SEPTIN10: variants seen among roughly 807,000 people sequenced by gnomAD.
SEPTIN10 encodes septin-10.
A neutral mutation model predicts 54.8 loss-of-function variants in SEPTIN10; 66 were observed. That is an observed-to-expected ratio of 1.21 (90% CI 0.99 to 1.48). The LOEUF is 1.48. Among genes scored for constraint, SEPTIN10 ranks in the 40% most tolerant of loss-of-function variants. SEPTIN10 has a pLI of 0.00. For missense variants in SEPTIN10, 620 were observed against 545.6 expected (o/e 1.14, Z -1.36); for synonymous variants, 161 against 181.0 (o/e 0.89, Z 0.89).
chr2:109,582,808 T>C (rs924899611), intron 4 of SEPTIN10, among the ~76,000 whole-genome samples: 2 of 152,182 alleles, frequency 1.3e-5, no homozygotes, highest in African/African-American at 4.8e-5. Context: ...CAAGACAGCA[T>C]GGTTGTGGTA....
chr2:109,569,167 G>A (rs1481660141), intron 5 of SEPTIN10, among the ~76,000 whole-genome samples: 1 of 152,044 alleles, frequency 6.6e-6, no homozygotes, highest in Non-Finnish European at 1.5e-5. Flanking sequence ...GGTGGCTCAC[G>A]CCTGTAATCC....
chr2:109,590,171 T>C (rs1693690091), intron 2 of SEPTIN10, among the ~76,000 whole-genome samples: 1 of 150,042 alleles, frequency 6.7e-6, no homozygotes, highest in African/African-American at 2.5e-5. Flanking sequence ...CTATTGAGAG[T>C]GGTTACCAGT....
intron 2 of SEPTIN10, among the ~76,000 whole-genome samples, chr2:109,587,047 AAGAG>A (rs1290839476): frequency 1.3e-5 from 2 of 152,244 alleles, no homozygotes; most frequent in Non-Finnish European, 2.9e-5. Context: ...AGTCAACAGA[AAGAG>A]AGCCACAATG....
intron 2 of SEPTIN10, among the ~76,000 whole-genome samples, chr2:109,589,260 C>T (rs938720037): frequency 2.0e-5 from 3 of 152,006 alleles, no homozygotes; most frequent in African/African-American, 4.8e-5. Flanking sequence ...AGGTCAGGTG[C>T]GGTGGCTCAT....
At chr2:109,608,276 C>T (rs1698454717) in intron 1 of SEPTIN10, among the ~76,000 whole-genome samples, 1 of 152,202 alleles carries the variant, frequency 6.6e-6, no homozygotes, top group African/African-American at 2.4e-5. Flanking sequence ...ACAGTTTTCT[C>T]ATGGACACTC....
chr2:109,608,868 G>C (rs932292114), intron 1 of SEPTIN10, among the ~76,000 whole-genome samples: 2 of 152,150 alleles, frequency 1.3e-5, no homozygotes, highest in African/African-American at 4.8e-5. Context: ...CATTACAAAA[G>C]CTTTGCGCAT....
At chr2:109,586,298 T>C (rs1373753825) in intron 2 of SEPTIN10, among the ~76,000 whole-genome samples, 1 of 152,110 alleles carries the variant, frequency 6.6e-6, no homozygotes, top group Non-Finnish European at 1.5e-5. Context: ...TGGTAACAAT[T>C]ACAAGCAACC....
chr2:109,585,230 A>G lies in SEPTIN10; in HGVS notation c.309T>C (p.Val103=). 1 of 1,612,882 alleles carries G rather than the reference A, an allele frequency of 6.2e-7. No individual in the cohort carries two copies. Among genetic ancestry groups the G allele is most frequent in the Non-Finnish European group, 8.5e-7 (1 of 1,179,242 alleles). The part of the protein sequence containing the change: ...DYESSHFCPN[V]KLKAQTYELQ... ...GTTCATATGTCTGAGCTTTAAGTTT[A>G]ACATTTGGGCAAAAATGTGAGGATT... is the stretch of plus-strand genomic sequence containing the variant. The change falls in exon 4 of 11, where the codon GTT becomes GTC. Residue 103 remains valine (V), a synonymous_variant. Transcript: ENST00000397712.
chr2:109,580,647 TGTCTTC>T, intron 4 of SEPTIN10, among the ~76,000 whole-genome samples: 1 of 152,320 alleles, frequency 6.6e-6, no homozygotes, highest in African/African-American at 2.4e-5. Context: ...AAATAAAGCC[TGTCTTC>T]AGTCATGATA....
chr2:109,613,259 G>T, intron 1 of SEPTIN10: 2 of 1,078,692 alleles, frequency 1.9e-6, no homozygotes, highest in Non-Finnish European at 2.5e-6. Flanking sequence ...GAACAAACGC[G>T]TTCTTTTAGA....
At chr2:109,553,273 G>A (rs1683488039) in intron 8 of SEPTIN10, 54 bp from the exon 9 acceptor site, 2 of 1,591,360 alleles carry the variant, frequency 1.3e-6, no homozygotes, top group East Asian at 4.5e-5. Flanking sequence ...GGTCGGGTAT[G>A]GCGGCTCACG....
chr2:109,612,564 G>C (rs1314073379), intron 1 of SEPTIN10, among the ~76,000 whole-genome samples: 1 of 152,182 alleles, frequency 6.6e-6, no homozygotes, highest in Non-Finnish European at 1.5e-5. Flanking sequence ...AGTAAAGTTA[G>C]CCTCAAAGCA....
In SEPTIN10 at chr2:109,543,008, C is replaced by T; in HGVS notation, c.*1301G>A. On this transcript the variant is annotated 3_prime_UTR_variant, in exon 11 of 11. Transcript: ENST00000397712. The stretch of plus-strand genomic sequence containing the variant: ...TTTAGTAAATATATGTTTTATTTGT[C>T]AAGAGTAAATGTCAGTTTTATTTAG... The T allele has an allele frequency of 6.6e-6, 1 of 152,420 alleles. No homozygotes were observed. Among genetic ancestry groups the T allele is most frequent in the East Asian group, 1.9e-4 (1 of 5,176 alleles). The allele number at this position is 152,420 out of a possible 1,614,324, so 9.4% of individuals were successfully genotyped here.
intron 8 of SEPTIN10, among the ~76,000 whole-genome samples, chr2:109,556,186 T>C (rs1684331644): frequency 1.3e-5 from 2 of 152,192 alleles, no homozygotes; most frequent in East Asian, 1.9e-4. Flanking sequence ...CTTTCCTATG[T>C]GTAGAATTTT....
chr2:109,567,547 A>C (rs1687321569), intron 6 of SEPTIN10, among the ~76,000 whole-genome samples: 1 of 152,218 alleles, frequency 6.6e-6, no homozygotes, highest in Non-Finnish European at 1.5e-5. Flanking sequence ...ATATGGCTGC[A>C]CAAAAGGTAT....
rs1004481238 is a variant in SEPTIN10, at chr2:109,553,207, G to T, written c.1041C>A (p.Thr347=). ...GGAACTCATGTCTTTTGGCTTCATA[G>T]GTCTCTTGAACACTAAAAAGTTATT... ...PENKPVSVQE[T]YEAKRHEFHG... The change falls in exon 9 of 11, where the codon ACC becomes ACA. Residue 347 remains threonine, a synonymous_variant. Coordinates refer to ENST00000397712, the MANE Select transcript of SEPTIN10 (RefSeq NM_144710.5). 14 of 1,613,864 alleles carry T rather than the reference G, an allele frequency of 8.7e-6. No homozygotes were observed. The highest frequency in any genetic ancestry group is 1.2e-5 in the Non-Finnish European group (14 of 1,179,988).
intron 8 of SEPTIN10, among the ~76,000 whole-genome samples, chr2:109,558,444 A>G (rs1300189593): frequency 1.3e-5 from 2 of 152,230 alleles, no homozygotes; most frequent in Non-Finnish European, 2.9e-5. Context: ...ATTTTGTGCT[A>G]AAAAGTTAAA....
At chr2:109,611,538 G>A (rs915971718) in intron 1 of SEPTIN10, among the ~76,000 whole-genome samples, 2 of 151,974 alleles carry the variant, frequency 1.3e-5, no homozygotes, top group African/African-American at 2.4e-5. Context: ...CGGGAGGATC[G>A]CTTGAGCCCA....
intron 2 of SEPTIN10, among the ~76,000 whole-genome samples, chr2:109,587,651 C>T (rs756875432): frequency 2.0e-5 from 3 of 152,114 alleles, no homozygotes; most frequent in Non-Finnish European, 2.9e-5. Flanking sequence ...TGGTGGCTCA[C>T]GCCTGTAATC....
Sources: gnomAD v4.1 joint callset for allele counts (sites outside exome capture counted in the v4.1 genomes callset) on GRCh38, gnomAD v4.1.1 for gene constraint, MANE v1.5 for transcripts, NCBI Gene and HGNC (gene_info 2026-07-23, HGNC 2026-07-21) for gene names.